ANKRD31: variants seen among roughly 807,000 people sequenced by gnomAD.
ANKRD31 encodes ankyrin repeat domain-containing protein 31.
A neutral mutation model predicts 186.0 loss-of-function variants in ANKRD31; 147 were observed. The observed-to-expected ratio is 0.79, with a 90% CI of 0.69 to 0.91. ANKRD31 has a LOEUF of 0.91. Among genes scored for constraint, ANKRD31 ranks in the 40% least tolerant of loss-of-function variants. The pLI is 0.00. For synonymous variants in ANKRD31, 673 were observed against 736.4 expected, an observed-to-expected ratio of 0.91 and a Z score of 1.39; for missense variants, 1,986 against 2,148.8, an observed-to-expected ratio of 0.92 and a Z score of 1.50.
At chr5:75,162,691 C>T (rs1752652391) in intron 11 of ANKRD31, among the ~76,000 whole-genome samples, 1 of 152,088 alleles carries the variant, frequency 6.6e-6, no homozygotes. Context: ...TTCCCATGTG[C>T]TGTGGGAGGG....
intron 25 of ANKRD31, among the ~76,000 whole-genome samples, chr5:75,079,777 A>G (rs576759266): frequency 6.6e-6 from 1 of 152,322 alleles, no homozygotes; most frequent in Non-Finnish European, 1.5e-5. Context: ...CGCCCGGCCA[A>G]GGCCATCCCT....
chr5:75,187,586 C>T (rs540599940), intron 10 of ANKRD31, among the ~76,000 whole-genome samples: 4 of 152,154 alleles, frequency 2.6e-5, no homozygotes, highest in South Asian at 2.1e-4. Flanking sequence ...CAGAAAGAAC[C>T]GCATATCTCT....
In ANKRD31 at chr5:75,184,220, C is replaced by T. The variant is rs146670571; in HGVS notation, c.1564+4273G>A. Among the ~76,000 whole-genome samples, 92 of 152,170 alleles carry T rather than the reference C, an allele frequency of 6.0e-4. 2 individuals are homozygous for T. The highest frequency in any genetic ancestry group is 2.1e-3 in the African/African-American group (87 of 41,534). On this transcript the variant is annotated intron_variant, in intron 10 of 25. Transcript: ENST00000506364. ...CACATGCAGAAGAATAAAACTGGAT[C>T]CTTATTTTCAACACATACAAAATTC...
At chr5:75,105,842 G>A (rs1340525931) in intron 21 of ANKRD31, among the ~76,000 whole-genome samples, 3 of 152,134 alleles carry the variant, frequency 2.0e-5, no homozygotes, top group Admixed American at 6.5e-5. Context: ...CATTCTGTGT[G>A]TCTTCCCCAA....
intron 11 of ANKRD31, among the ~76,000 whole-genome samples, chr5:75,159,304 C>G (rs1752418546): frequency 6.6e-6 from 1 of 152,026 alleles, no homozygotes; most frequent in South Asian, 2.1e-4. Flanking sequence ...AGAGAAAAAG[C>G]AGCAGAGAAA....
At chr5:75,135,520 C>A (rs1055072985) in intron 17 of ANKRD31, among the ~76,000 whole-genome samples, 4 of 151,998 alleles carry the variant, frequency 2.6e-5, no homozygotes, top group African/African-American at 9.7e-5. Flanking sequence ...TAAAAGAGGA[C>A]ACAAACAAAT....
intron 24 of ANKRD31, among the ~76,000 whole-genome samples, chr5:75,083,499 C>T (rs892714106): frequency 2.0e-5 from 3 of 152,118 alleles, no homozygotes; most frequent in Admixed American, 6.6e-5. Context: ...GAGGCTGAGG[C>T]GGGCAGATCA....
chr5:75,107,190 T>C (rs1006647123), intron 21 of ANKRD31, among the ~76,000 whole-genome samples: 1 of 152,018 alleles, frequency 6.6e-6, no homozygotes, highest in Non-Finnish European at 1.5e-5. Context: ...AAAAAGAAAC[T>C]TTTTTAGTGT....
Position 75,146,770 on chromosome 5 carries a change from C to CGAGA in ANKRD31, c.2640_2641insTCTC (p.Glu881SerfsTer5). The stretch of plus-strand genomic sequence containing the variant: ...GAATTTTCCCATTTGTTAAATCTCT[C>CGAGA]ATCTTTTGGGACCAAGTTACTGTTT... On this transcript the variant is annotated frameshift_variant, in exon 14 of 26. Transcript: ENST00000506364. LOFTEE classifies it high-confidence loss of function. The CGAGA allele has an allele frequency of 6.5e-7, 1 of 1,536,178 alleles. No homozygotes were observed. The highest frequency in any genetic ancestry group is 2.4e-5 in the East Asian group (1 of 40,864).
At chr5:75,184,747 C>T (rs940567543) in intron 10 of ANKRD31, among the ~76,000 whole-genome samples, 3 of 151,992 alleles carry the variant, frequency 2.0e-5, no homozygotes, top group African/African-American at 7.2e-5. Context: ...AAAAGAGAAC[C>T]TTTACGCTTT....
chr5:75,151,508 C>T (rs995917816), intron 12 of ANKRD31, among the ~76,000 whole-genome samples: 2 of 152,012 alleles, frequency 1.3e-5, no homozygotes, highest in Non-Finnish European at 2.9e-5. Flanking sequence ...CTTCTCCTTG[C>T]TGCTGCCATG....
At chr5:75,148,659 C>T (rs1364634133) in intron 12 of ANKRD31, 31 bp from the exon 13 acceptor site, 1 of 1,498,778 alleles carries the variant, frequency 6.7e-7, no homozygotes, top group Non-Finnish European at 8.9e-7. Context: ...TCAATGAAAA[C>T]AGCTTCTAGT....
intron 3 of ANKRD31, among the ~76,000 whole-genome samples, chr5:75,219,852 T>C (rs1757177884): frequency 6.6e-6 from 1 of 152,220 alleles, no homozygotes; most frequent in African/African-American, 2.4e-5. Flanking sequence ...TATGACCATC[T>C]GATCTTTGGC....
intron 10 of ANKRD31, among the ~76,000 whole-genome samples, chr5:75,175,886 G>A (rs1580486872): frequency 1.3e-5 from 2 of 152,154 alleles, no homozygotes; most frequent in Admixed American, 6.5e-5. Flanking sequence ...GATAGTGGGT[G>A]CAGGACAGTG....
At position 75,196,081 on chromosome 5, in the gene ANKRD31, T is replaced by G. The variant is rs1199910845; in HGVS notation, c.567A>C (p.Ala189=). 1.3e-6 allele frequency: 2 copies of G among 1,536,940 alleles called. No individual in the cohort carries two copies. The highest frequency in any genetic ancestry group is 4.9e-5 in the East Asian group (2 of 40,894). ...TSLVEPEKIL[A]APNTFFEPRK... ...TAGGCTCAAAAAATGTATTTGGTGC[T>G]GCTAAAATCTTCTCTGGCTCTACTA... is the stretch of plus-strand genomic sequence containing the variant. Residue 189 remains alanine (A), a synonymous_variant, in exon 7 of 26, where the codon GCA becomes GCC. Coordinates refer to ENST00000506364, the MANE Select transcript of ANKRD31 (RefSeq NM_001372053.1).
chr5:75,236,506 A>AC, intron 1 of ANKRD31, 77 bp downstream of exon 1: 1 of 1,243,558 alleles, frequency 8.0e-7, no homozygotes, highest in Admixed American at 2.3e-5. Context: ...TCTCCACTCA[A>AC]AACTCTGACC....
At chr5:75,135,475 C>T (rs1424617641) in intron 17 of ANKRD31, among the ~76,000 whole-genome samples, 2 of 152,138 alleles carry the variant, frequency 1.3e-5, no homozygotes, top group East Asian at 3.9e-4. Flanking sequence ...TGAAGGGCCT[C>T]TTCAAGGAGA....
chr5:75,158,188 T>C (rs1425931822), intron 11 of ANKRD31, among the ~76,000 whole-genome samples: 6 of 152,106 alleles, frequency 3.9e-5, no homozygotes, highest in Non-Finnish European at 8.8e-5. Context: ...AGAATGAACA[T>C]AGTCTATAAG....
intron 11 of ANKRD31, among the ~76,000 whole-genome samples, chr5:75,162,572 A>G (rs1311626756): frequency 6.6e-6 from 1 of 152,180 alleles, no homozygotes; most frequent in Admixed American, 6.5e-5. Flanking sequence ...GGAAGGCATC[A>G]TTGGTCTTGA....
Sources: gnomAD v4.1 joint callset for allele counts (sites outside exome capture counted in the v4.1 genomes callset) on GRCh38, gnomAD v4.1.1 for gene constraint, MANE v1.5 for transcripts, NCBI Gene and HGNC (gene_info 2026-07-23, HGNC 2026-07-21) for gene names.